The following C16orf89 variants were observed in gnomAD, a reference collection of about 807,000 sequenced individuals.
C16orf89 encodes the protein chromosome 16 open reading frame 89.
A neutral mutation model predicts 41.5 loss-of-function variants in C16orf89; 57 were observed. That is an observed-to-expected ratio of 1.38 (90% confidence interval 1.11 to 1.71). The LOEUF is 1.71. C16orf89 is among the 40% of genes most tolerant of loss of function. C16orf89 has a pLI of 0.00. For missense variants in C16orf89, 575 were observed against 445.9 expected (o/e 1.29, Z -2.61); for synonymous variants, 223 against 190.6 (o/e 1.17, Z -1.40).
chr16:5,051,595 A>T (rs548066452), intron 6 of C16orf89, among the ~76,000 whole-genome samples: 1 of 152,206 alleles, frequency 6.6e-6, no homozygotes, highest in Non-Finnish European at 1.5e-5. Context: ...ATGGATTGGA[A>T]GAATTAATAT....
chr16:5,061,501 A>AAAAAG (rs67476932), intron 2 of C16orf89, among the ~76,000 whole-genome samples: 7,330 of 88,750 alleles, frequency 0.083, 866 homozygotes, highest in East Asian at 0.13. Context: ...AAAAAAAAAA[A>AAAAAG]AAACCCCCCC....
downstream of C16orf89, chr16:5,043,552 A>G (rs1956240392): frequency 6.6e-6 from 1 of 152,246 alleles, no homozygotes; most frequent in Non-Finnish European, 1.5e-5. Context: ...ATGATACAGC[A>G]GAGTTTTGTG....
intron 7 of C16orf89, chr16:5,044,859 G>A: frequency 8.0e-7 from 1 of 1,255,784 alleles, no homozygotes; most frequent in Non-Finnish European, 1.0e-6. Flanking sequence ...AAAAAAAAGT[G>A]CTTTTCAGAT....
At chr16:5,057,215 C>T (rs1956526509) in intron 4 of C16orf89, among the ~76,000 whole-genome samples, 2 of 136,144 alleles carry the variant, frequency 1.5e-5, no homozygotes, top group Admixed American at 1.6e-4. Flanking sequence ...CCAGCCTGGG[C>T]AACAGAGTGA....
rs146625176 is a variant in C16orf89 at position 5,054,764 on chromosome 16, G to A, written c.868+482C>T. On this transcript the variant is annotated intron_variant, in intron 6 of 7. Coordinates refer to ENST00000472572, the MANE Select transcript of C16orf89 (RefSeq NM_001098514.3). The stretch of plus-strand genomic sequence containing the variant: ...GCCGTTTCCCCCATACCGTTCTCAC[G>A]GTAATGAATAAGTCTCACAGATCTG... Among the ~76,000 whole-genome samples the A allele has an allele frequency of 2.6e-5, 4 of 152,248 alleles. No homozygotes were observed. In the East Asian group the frequency reaches 5.8e-4, roughly 22 times the overall value.
At chr16:5,058,151 A>G (rs901675228) in intron 4 of C16orf89, among the ~76,000 whole-genome samples, 3 of 151,526 alleles carry the variant, frequency 2.0e-5, no homozygotes, top group Non-Finnish European at 4.4e-5. Flanking sequence ...TTTTTGAGGC[A>G]GAGTCTTAGT....
chr16:5,047,066 G>T (rs889183362), intron 7 of C16orf89, among the ~76,000 whole-genome samples: 1 of 152,090 alleles, frequency 6.6e-6, no homozygotes, highest in African/African-American at 2.4e-5. Context: ...CATTTCCCAG[G>T]ATGTCTTGCC....
Position 5,056,193 on chromosome 16 carries a change from G to T in C16orf89, c.628-5C>A. On this transcript the variant is annotated splice_polypyrimidine_tract_variant and splice_region_variant and intron_variant, in intron 4 of 7. Transcript: ENST00000472572. ...TGGTCCCTGTGTGCACCCCCTCTGG[G>T]GAGACAAACACCCAAAGACAAGGGA... 6.3e-7 allele frequency: 1 copy of T among 1,582,470 alleles called. No individual in the cohort carries two copies. Among genetic ancestry groups the T allele is most frequent in the Non-Finnish European group, 8.7e-7 (1 of 1,153,938 alleles).
intron 4 of C16orf89, among the ~76,000 whole-genome samples, chr16:5,058,015 A>G (rs945722844): frequency 6.6e-6 from 1 of 152,136 alleles, no homozygotes; most frequent in Non-Finnish European, 1.5e-5. Context: ...CAGGAGTATG[A>G]TAGGGGCCCT....
At chr16:5,044,578 C>G (rs1005464576) in intron 7 of C16orf89, 100 bp from the exon 8 acceptor site, 2 of 1,544,768 alleles carry the variant, frequency 1.3e-6, no homozygotes, top group East Asian at 2.4e-5. Flanking sequence ...CGCGGTGGCT[C>G]ACACCTATAA....
At chr16:5,061,799 G>A (rs1281265353) in intron 2 of C16orf89, among the ~76,000 whole-genome samples, 3 of 152,146 alleles carry the variant, frequency 2.0e-5, no homozygotes, top group African/African-American at 4.8e-5. Context: ...TGGGAGTGGG[G>A]AGCAGAGGGG....
rs1665793422 is a variant in C16orf89, at chr16:5,065,848, AG to A, written c.60del (p.Ser21ProfsTer18). 2 of 1,614,126 alleles carry A rather than the reference AG, an allele frequency of 1.2e-6. No homozygotes were observed. Reference sequence around the variant, plus strand: ...GCAGTGTCCAGCCCAGGCAGTGAGGAGGACCACAGCGGTGGCAGTGCTGTCA... The same window carrying A: ...GCAGTGTCCAGCCCAGGCAGTGAGGAGACCACAGCGGTGGCAGTGCTGTCA... ...LLLTALPPLW[S>X]SSLPGLDTAE... On this transcript the variant is annotated frameshift_variant, in exon 1 of 8. Coordinates refer to ENST00000472572, the MANE Select transcript of C16orf89 (RefSeq NM_001098514.3). LOFTEE classifies it high-confidence loss of function.
intron 3 of C16orf89, 73 bp downstream of exon 3, chr16:5,060,213 G>C: frequency 6.7e-7 from 1 of 1,484,284 alleles, no homozygotes; most frequent in Non-Finnish European, 9.1e-7. Context: ...CTTGGAGAAG[G>C]AGGAGCGGGA....
intron 4 of C16orf89, 126 bp downstream of exon 4, chr16:5,058,367 A>T: frequency 1.3e-6 from 1 of 755,074 alleles, no homozygotes; most frequent in Non-Finnish European, 2.1e-6. Context: ...TCCTGGCCTC[A>T]AGTGATCTGC....
chr16:5,062,949 C>T (rs1032771788), intron 1 of C16orf89, among the ~76,000 whole-genome samples: 4 of 152,306 alleles, frequency 2.6e-5, no homozygotes, highest in African/African-American at 4.8e-5. Context: ...GCAGGTTGTA[C>T]ACTGCACAAG....
downstream of C16orf89, chr16:5,044,073 G>C: frequency 2.8e-6 from 3 of 1,060,876 alleles, no homozygotes; most frequent in Non-Finnish European, 3.5e-6. Context: ...CAGACCAAGA[G>C]GTTGTCCAAG....
rs373894585 is a variant in C16orf89, at chr16:5,060,379, G to A, written c.416C>T (p.Thr139Ile). The A allele has an allele frequency of 1.9e-6, 3 of 1,613,552 alleles. No homozygotes were observed. Among genetic ancestry groups the A allele is most frequent in the Admixed American group, 1.7e-5 (1 of 59,976 alleles). ...CGTGGGGTACACCAAGGAGGCATCA[G>A]TGTGGATCCAGGCATGTGGGAGCTT... ...FWKLPHAWIH[T>I]DASLVYPTFG... The change falls in exon 3 of 8, where the codon ACT becomes ATT. Residue 139 changes from threonine (T) to isoleucine (I), a missense_variant. By Grantham distance (89) the Thr-to-Ile change is moderately conservative. Coordinates refer to ENST00000472572, the MANE Select transcript of C16orf89 (RefSeq NM_001098514.3).
chr16:5,061,539 A>G (rs1160020801), intron 2 of C16orf89, among the ~76,000 whole-genome samples: 1 of 146,510 alleles, frequency 6.8e-6, no homozygotes, highest in Non-Finnish European at 1.5e-5. Flanking sequence ...GGGAGGTGGA[A>G]TTAGTGGGGA....
chr16:5,048,036 CT>C, intron 6 of C16orf89, 72 bp from the exon 7 acceptor site: 1 of 848,012 alleles, frequency 1.2e-6, no homozygotes, highest in Non-Finnish European at 1.9e-6. Context: ...CTTTTTACTG[CT>C]TTTATTGTAG....
Sources: allele counts gnomAD v4.1 joint callset (sites outside exome capture counted in the v4.1 genomes callset), GRCh38; gene constraint gnomAD v4.1.1; transcripts MANE v1.5; gene names NCBI Gene and HGNC (gene_info 2026-07-23, HGNC 2026-07-21).